CREB5: variants seen among roughly 807,000 people sequenced by gnomAD.
The protein encoded by CREB5 is cyclic AMP-responsive element-binding protein 5.
In CREB5, 19 loss-of-function variants were observed where a neutral mutation model predicts 57.1. That is an observed-to-expected ratio of 0.33 (90% CI 0.23 to 0.49). The LOEUF is 0.49. Ranked by LOEUF, CREB5 falls within the 20% of genes least tolerant of loss-of-function variation. The probability of loss-of-function intolerance (pLI) is 0.99; values close to 1 mark genes in which losing one functional copy is unlikely to be tolerated. For synonymous variants in CREB5, 238 were observed against 238.3 expected (o/e 1.00, Z 0.01); for missense variants, 579 against 671.6 (o/e 0.86, Z 1.52).
chr7:28,819,200 C>T lies in CREB5; in HGVS notation c.1448C>T (p.Ser483Leu). ...VIQHNTITTS[S>L]SVSEVVGSST... ...CAGCATAATACCATCACTACTTCCT[C>T]ATCGGTCAGCGAGGTGGTAGGAAGC... is the stretch of plus-strand genomic sequence containing the variant. The change falls in exon 11 of 11, where the codon TCA (serine) becomes TTA (leucine). Residue 483 changes from serine to leucine, a missense_variant. Physicochemically the swap from Ser to Leu is moderately radical, Grantham distance 145. Transcript: ENST00000357727. 1 of 1,613,910 alleles carries T rather than the reference C, an allele frequency of 6.2e-7. No homozygotes were observed. Among genetic ancestry groups the T allele is most frequent in the South Asian group, 1.1e-5 (1 of 91,076 alleles).
At chr7:28,818,479 G>A (rs1809568613) in intron 10 of CREB5, among the ~76,000 whole-genome samples, 1 of 152,210 alleles carries the variant, frequency 6.6e-6, no homozygotes, top group African/African-American at 2.4e-5. Flanking sequence ...GCCAGCTGAA[G>A]CCCAAGTACC....
At chr7:28,811,124 T>TTATTTGTTGAGTA (rs1276697164) in intron 9 of CREB5, among the ~76,000 whole-genome samples, 7 of 152,210 alleles carry the variant, frequency 4.6e-5, no homozygotes, top group African/African-American at 1.7e-4. Context: ...GTGTAGTGTC[T>TTATTTGTTGAGTA]ACACTCAGTA....
chr7:28,488,126 A>C (rs1215302312), intron 1 of CREB5, 49 bp from the exon 2 acceptor site: 2 of 1,552,944 alleles, frequency 1.3e-6, no homozygotes, highest in Non-Finnish European at 1.8e-6. Context: ...GAAGCAGAAG[A>C]TATTCATGGA....
chr7:28,448,781 C>T (rs1789632226), intron 1 of CREB5, among the ~76,000 whole-genome samples: 1 of 152,178 alleles, frequency 6.6e-6, no homozygotes, highest in South Asian at 2.1e-4. Flanking sequence ...GAACATGGGC[C>T]CTGGGGCCAG....
chr7:28,443,972 G>A (rs1260619067), intron 1 of CREB5, among the ~76,000 whole-genome samples: 1 of 152,146 alleles, frequency 6.6e-6, no homozygotes, highest in African/African-American at 2.4e-5. Flanking sequence ...GTAGCACATA[G>A]AAGACAGTGG....
chr7:28,733,528 C>T (rs1803787891), intron 7 of CREB5, among the ~76,000 whole-genome samples: 1 of 152,220 alleles, frequency 6.6e-6, no homozygotes, highest in Admixed American at 6.5e-5. Flanking sequence ...AAACTCCACT[C>T]CTTTTGTCAA....
chr7:28,401,456 C>T lies in CREB5; in HGVS notation c.-24-93450C>T, dbSNP rs189964759. ...TAATGTAAGTTCTAGGGTACAGGTA[C>T]GCAACGTACAGGTTTGTTACATATG... On this transcript the variant is annotated intron_variant, in intron 1 of 9. Transcript: ENST00000396299. 5.4e-4 allele frequency among the ~76,000 whole-genome samples: 82 copies of T among 151,650 alleles called. No homozygotes were observed. In the South Asian group the frequency reaches 0.01, roughly 19 times the overall value.
intron 1 of CREB5, among the ~76,000 whole-genome samples, chr7:28,453,331 C>T (rs1789922761): frequency 6.6e-6 from 1 of 152,040 alleles, no homozygotes; most frequent in South Asian, 2.1e-4. Context: ...CCTGGCTACT[C>T]TGGAGGCTGG....
chr7:28,806,309 T>C (rs1257057322), intron 8 of CREB5, among the ~76,000 whole-genome samples: 3 of 152,140 alleles, frequency 2.0e-5, no homozygotes, highest in Non-Finnish European at 4.4e-5. Context: ...AGAGCCCAGG[T>C]TGGTCTTGCT....
intron 7 of CREB5, among the ~76,000 whole-genome samples, chr7:28,789,626 C>A (rs1464993760): frequency 6.6e-6 from 1 of 152,120 alleles, no homozygotes; most frequent in Non-Finnish European, 1.5e-5. Flanking sequence ...AAGCAAAGAG[C>A]AATGGAATAG....
At chr7:28,701,188 TAGG>T (rs1801841246) in intron 5 of CREB5, among the ~76,000 whole-genome samples, 1 of 152,090 alleles carries the variant, frequency 6.6e-6, no homozygotes, top group South Asian at 2.1e-4. Context: ...TGAAACCCAT[TAGG>T]AGGCTTTGAG....
At chr7:28,740,073 G>T (rs1390307550) in intron 7 of CREB5, among the ~76,000 whole-genome samples, 1 of 152,174 alleles carries the variant, frequency 6.6e-6, no homozygotes, top group Non-Finnish European at 1.5e-5. Flanking sequence ...AGGAATGGGG[G>T]TGGGGGTTTA....
chr7:28,348,408 T>TCTCTCA (rs1376338798), intron 1 of CREB5, among the ~76,000 whole-genome samples: 24 of 118,244 alleles, frequency 2.0e-4, no homozygotes, highest in African/African-American at 6.0e-4. Context: ...TCTCTCTCTC[T>TCTCTCA]CACACACACA....
chr7:28,641,138 T>C (rs1273590162), intron 5 of CREB5, among the ~76,000 whole-genome samples: 2 of 152,086 alleles, frequency 1.3e-5, no homozygotes, highest in African/African-American at 4.8e-5. Context: ...AAATGCAGTG[T>C]TCCTGGGAGC....
chr7:28,613,253 G>A (rs1562527616), intron 5 of CREB5, among the ~76,000 whole-genome samples: 2 of 152,198 alleles, frequency 1.3e-5, no homozygotes, highest in East Asian at 3.8e-4. Context: ...CATTGCAAAT[G>A]TGTGACCGTC....
intron 1 of CREB5, among the ~76,000 whole-genome samples, chr7:28,314,512 TC>T (rs1785339080): frequency 6.6e-6 from 1 of 152,228 alleles, no homozygotes; most frequent in South Asian, 2.1e-4. Context: ...AGCTTCATTT[TC>T]ATTGTCTGGT....
intron 5 of CREB5, among the ~76,000 whole-genome samples, chr7:28,581,336 G>A (rs1449934821): frequency 6.6e-6 from 1 of 152,158 alleles, no homozygotes; most frequent in African/African-American, 2.4e-5. Flanking sequence ...AGAAAGTGTG[G>A]CCAGGGGATT....
chr7:28,484,364 C>T (rs907714887), intron 1 of CREB5, among the ~76,000 whole-genome samples: 13 of 152,060 alleles, frequency 8.5e-5, no homozygotes, highest in Non-Finnish European at 1.8e-4. Flanking sequence ...AGATCATACT[C>T]GTTGATAAAA....
intron 1 of CREB5, among the ~76,000 whole-genome samples, chr7:28,368,085 C>CA (rs1400804618): frequency 6.6e-6 from 1 of 152,094 alleles, no homozygotes; most frequent in Non-Finnish European, 1.5e-5. Context: ...AAACACTATA[C>CA]AAAAAATAAT....
Sources: allele counts gnomAD v4.1 joint callset (sites outside exome capture counted in the v4.1 genomes callset), GRCh38; gene constraint gnomAD v4.1.1; transcripts MANE v1.5; gene names NCBI Gene and HGNC (gene_info 2026-07-23, HGNC 2026-07-21).